Variants in NCR1 observed in about 807,000 individuals in gnomAD.
NCR1 encodes the protein NK cell-activating receptor.
NCR1 carries 30 observed loss-of-function variants against 32.5 expected under a neutral mutation model. The observed-to-expected ratio is 0.92, with a 90% CI of 0.69 to 1.25. NCR1 has a LOEUF of 1.25. NCR1 is among the 50% of genes most tolerant of loss of function. The pLI is 0.00. For synonymous variants in NCR1, 169 were observed against 143.4 expected, an observed-to-expected ratio of 1.18 and a Z score of -1.28; for missense variants, 369 against 380.7, an observed-to-expected ratio of 0.97 and a Z score of 0.26.
Position 54,909,279 on chromosome 19 carries a change from T to C in NCR1, c.390T>C (p.Pro130=), listed in dbSNP as rs760572362. ...MYDTPTLSVH[P]GPEVISGEKV... is the part of the protein sequence containing the mutation. ...ACACACCCACCCTCTCGGTTCATCC[T>C]GGACCCGAAGTGATCTCGGGAGAGA... The change falls in exon 4 of 7, where the codon CCT becomes CCC. Residue 130 remains proline (P), a synonymous_variant. Coordinates refer to ENST00000291890, the MANE Select transcript of NCR1 (RefSeq NM_004829.7). The C allele has an allele frequency of 9.3e-6, 15 of 1,614,054 alleles. No homozygotes were observed. The highest frequency in any genetic ancestry group is 1.3e-5 in the Non-Finnish European group (15 of 1,179,954).
At chr19:54,916,317 C>CTTTGTTTTTTTTTTTTTTTTTTTT (rs2068130879), downstream of NCR1, among the ~76,000 whole-genome samples, 1 of 87,124 alleles carries the variant, frequency 1.1e-5, no homozygotes, top group Non-Finnish European at 2.3e-5. Flanking sequence ...GAATATTGTG[C>CTTTGTTTTTTTTTTTTTTTTTTTT]TTTTTTTTTT....
chr19:54,911,543 G>C (rs1227471155), intron 5 of NCR1, among the ~76,000 whole-genome samples: 1 of 152,158 alleles, frequency 6.6e-6, no homozygotes, highest in Non-Finnish European at 1.5e-5. Flanking sequence ...CTTGAGGTCA[G>C]GAGTTCAAGA....
At chr19:54,919,163 G>A (rs142082809), downstream of NCR1, among the ~76,000 whole-genome samples, 442 of 152,202 alleles carry the variant, frequency 2.9e-3, 2 homozygotes, top group African/African-American at 1.0e-2. Context: ...CCACAGGGTC[G>A]GTGGGTCTCT....
chr19:54,904,093 C>G (rs1303700290), upstream of NCR1, among the ~76,000 whole-genome samples: 3 of 133,232 alleles, frequency 2.3e-5, no homozygotes, highest in Non-Finnish European at 4.6e-5. Context: ...ACCACTGCAC[C>G]ACAGCCTGGG....
the NCR1 span, among the ~76,000 whole-genome samples, chr19:54,929,138 G>T: frequency 2.0e-5 from 3 of 152,164 alleles, no homozygotes; most frequent in African/African-American, 7.2e-5. Context: ...GGAGGTTGAG[G>T]CAGGTGGATC....
At position 54,910,023 on chromosome 19, in the gene NCR1, A is replaced by C. The variant is rs145090790; in HGVS notation, c.640A>C (p.Ile214Leu). Residue 214 changes from isoleucine to leucine, a missense_variant, in exon 5 of 7, where the codon ATT (isoleucine) becomes CTT (leucine). Ile to Leu is a conservative substitution (Grantham distance 5). Transcript: ENST00000291890. ...EPVKLLVTGD[I>L]ENTSLAPEDP... ...TTCTTTATCTCCTTTTCCAGGCGAC[A>C]TTGAGAACACCAGCCTTGCACCTGA... The C allele has an allele frequency of 6.9e-5, 112 of 1,613,382 alleles. No individual in the cohort carries two copies. In the African/African-American group the frequency reaches 1.2e-3, roughly 18 times the overall value.
chr19:54,907,882 T>C (rs925180045), intron 3 of NCR1, among the ~76,000 whole-genome samples: 1 of 152,234 alleles, frequency 6.6e-6, no homozygotes, highest in Non-Finnish European at 1.5e-5. Flanking sequence ...TATACTTGTG[T>C]TGAAATATAT....
Position 54,906,750 on chromosome 19 carries a change from T to C in NCR1, c.298T>C (p.Tyr100His), listed in dbSNP as rs2067648664. The C allele has an allele frequency of 6.2e-7, 1 of 1,614,204 alleles. No homozygotes were observed. Among genetic ancestry groups the C allele is most frequent in the African/African-American group, 1.3e-5 (1 of 75,050 alleles). ...CATGGCAGGGCAATACAGCTGCATC[T>C]ATCGGGTTGGGGAGCTCTGGTCAGA... Reference protein sequence around the residue: ...SRMAGQYSCIYRVGELWSEPS... With the variant: ...SRMAGQYSCIHRVGELWSEPS... Residue 100 changes from tyrosine to histidine, a missense_variant, in exon 3 of 7, where the codon TAT becomes CAT. Transcript: ENST00000291890.
the NCR1 span, chr19:54,934,797 C>T: frequency 1.5e-6 from 1 of 676,486 alleles, no homozygotes; most frequent in East Asian, 2.8e-5. This position sits in a 1 kb window ranked among gnomAD's most constrained non-coding sequence, Gnocchi z 6.7. Flanking sequence ...GCAGCCTCCG[C>T]CTCCCGGGTT....
At chr19:54,923,753 T>G in the NCR1 span, 1 of 1,613,152 alleles carries the variant, frequency 6.2e-7, no homozygotes, top group Non-Finnish European at 8.5e-7. Flanking sequence ...GCAAAAAAAG[T>G]CACAGCACGG....
chr19:54,935,816 G>T, the NCR1 span, among the ~76,000 whole-genome samples: 2 of 152,228 alleles, frequency 1.3e-5, no homozygotes, highest in East Asian at 3.9e-4. Flanking sequence ...AAAGTGCGAG[G>T]ATCATGCACT....
chr19:54,931,985 A>G, the NCR1 span, among the ~76,000 whole-genome samples: 1 of 152,054 alleles, frequency 6.6e-6, no homozygotes, highest in Non-Finnish European at 1.5e-5. Flanking sequence ...GCGTGGTTAG[A>G]TTATGGAAAT....
At chr19:54,905,676 G>T (rs925356779), upstream of NCR1, among the ~76,000 whole-genome samples, 1 of 152,152 alleles carries the variant, frequency 6.6e-6, no homozygotes, top group African/African-American at 2.4e-5. Flanking sequence ...GCCACAGACA[G>T]AAAAACAGGC....
chr19:54,930,230 G>A, the NCR1 span, among the ~76,000 whole-genome samples: 1 of 151,994 alleles, frequency 6.6e-6, no homozygotes, highest in Non-Finnish European at 1.5e-5. Flanking sequence ...ACATTGGGAG[G>A]CCGAGGTGGG....
chr19:54,927,728 G>A, the NCR1 span: 1 of 1,614,096 alleles, frequency 6.2e-7, no homozygotes, highest in South Asian at 1.1e-5. Flanking sequence ...GAGGAGAGCA[G>A]ATCCAAGATG....
the NCR1 span, among the ~76,000 whole-genome samples, chr19:54,922,801 A>C: frequency 6.1e-5 from 9 of 147,084 alleles, no homozygotes; most frequent in Non-Finnish European, 1.2e-4. Context: ...AAAAAAAAAA[A>C]ACGAAAGAAC....
downstream of NCR1, among the ~76,000 whole-genome samples, chr19:54,919,986 A>T (rs935571141): frequency 6.6e-6 from 1 of 152,300 alleles, no homozygotes; most frequent in Admixed American, 6.5e-5. Context: ...TAGAGTGAGG[A>T]TTATTATAAT....
upstream of NCR1, among the ~76,000 whole-genome samples, chr19:54,904,531 C>CTTTTCTTTTTTTTTTTTTTTTTTTTTTT (rs1221694096): frequency 4.0e-4 from 48 of 118,958 alleles, 1 homozygote; most frequent in Non-Finnish European, 4.9e-4. Context: ...GTTTTCTTTT[C>CTTTTCTTTTTTTTTTTTTTTTTTTTTTT]TTTTTTTTTT....
chr19:54,925,714 T>G, the NCR1 span, among the ~76,000 whole-genome samples: 4 of 151,856 alleles, frequency 2.6e-5, no homozygotes, highest in Admixed American at 1.3e-4. Context: ...AATAAGTCAC[T>G]GAGGCCGGGC....
Sources: gnomAD v4.1 joint callset for allele counts (sites outside exome capture counted in the v4.1 genomes callset) on GRCh38, gnomAD v4.1.1 for gene constraint, Gnocchi (gnomAD v3.1) non-coding constraint, MANE v1.5 for transcripts, NCBI Gene and HGNC (gene_info 2026-07-23, HGNC 2026-07-21) for gene names.